Variants in PYGO1 observed in about 807,000 individuals in gnomAD.
PYGO1 encodes the protein pygopus homolog 1.
Under a neutral mutation model 29.5 loss-of-function variants are expected in PYGO1, and 6 were observed. That is an observed-to-expected ratio of 0.20 (90% CI 0.11 to 0.40). The LOEUF is 0.40. PYGO1 is among the 10% of genes least tolerant of loss of function. PYGO1 has a pLI of 1.00. For synonymous variants in PYGO1, 186 were observed against 180.5 expected, an observed-to-expected ratio of 1.03 and a Z score of -0.24; for missense variants, 515 against 514.9, an observed-to-expected ratio of 1.00 and a Z score of 0.00.
intron 1 of PYGO1, among the ~76,000 whole-genome samples, chr15:55,587,192 T>C (rs1287339579): frequency 6.6e-6 from 1 of 152,174 alleles, no homozygotes; most frequent in Non-Finnish European, 1.5e-5. Context: ...TTTTCTTAGA[T>C]GATAGTAACA....
intron 1 of PYGO1, among the ~76,000 whole-genome samples, chr15:55,564,012 T>C (rs1319359848): frequency 6.6e-6 from 1 of 152,132 alleles, no homozygotes; most frequent in Non-Finnish European, 1.5e-5. Flanking sequence ...AGTTTGGCAG[T>C]TCCTCAAAAA....
rs748444448 is a variant in PYGO1, at chr15:55,544,571, A to G, written c.*1452T>C. 6.6e-6 allele frequency: 1 copy of G among 152,106 alleles called. No individual in the cohort carries two copies. Among genetic ancestry groups the G allele is most frequent in the Non-Finnish European group, 1.5e-5 (1 of 68,008 alleles). 9.4% of individuals were successfully genotyped at this position (152,106 alleles called of 1,614,324 possible). A position where few individuals can be genotyped will look rare whatever the true frequency, so the allele number is the denominator to read the frequency against. On this transcript the variant is annotated 3_prime_UTR_variant, in exon 3 of 3. Coordinates refer to ENST00000563719, the MANE Select transcript of PYGO1 (RefSeq NM_001367806.1). The stretch of plus-strand genomic sequence containing the variant: ...CCAAAGGACATTGTTTTTAAATCAC[A>G]TTTTCATGCATAATTTAAATTTCTT...
chr15:55,585,930 G>A (rs2059044502), intron 1 of PYGO1, among the ~76,000 whole-genome samples: 1 of 152,214 alleles, frequency 6.6e-6, no homozygotes, highest in African/African-American at 2.4e-5. Flanking sequence ...AACAGAAAAA[G>A]ACAATTAAAA....
intron 1 of PYGO1, among the ~76,000 whole-genome samples, chr15:55,555,078 A>G (rs2141653028): frequency 6.6e-6 from 1 of 152,132 alleles, no homozygotes; most frequent in Admixed American, 6.5e-5. Context: ...TGAGGTCAAG[A>G]TGAAAAAAAA....
Position 55,588,273 on chromosome 15 carries a change from G to C in PYGO1, c.-390C>G, listed in dbSNP as rs2141684372. On this transcript the variant is annotated 5_prime_UTR_variant, in exon 1 of 3. Transcript: ENST00000563719. Reference sequence around the variant, plus strand: ...AGGGGAAGCAGGAGGCTCGCGGCCCGGCCCTGGCGGCACACTCACAGCGCC... The same window carrying C: ...AGGGGAAGCAGGAGGCTCGCGGCCCCGCCCTGGCGGCACACTCACAGCGCC... Among the ~76,000 whole-genome samples, 1 of 148,648 alleles carries C rather than the reference G, an allele frequency of 6.7e-6. No homozygotes were observed. Among genetic ancestry groups the C allele is most frequent in the East Asian group, 2.0e-4 (1 of 5,090 alleles).
chr15:55,572,279 CA>C (rs2058983283), intron 1 of PYGO1, among the ~76,000 whole-genome samples: 1 of 152,086 alleles, frequency 6.6e-6, no homozygotes, highest in Non-Finnish European at 1.5e-5. Context: ...GCAAAGGTAC[CA>C]AGAGTACAAA....
intron 1 of PYGO1, 90 bp downstream of exon 1, chr15:55,587,745 C>G: frequency 7.2e-7 from 1 of 1,396,910 alleles, no homozygotes; most frequent in Non-Finnish European, 9.4e-7. Flanking sequence ...TAGGCCCGGA[C>G]AGAGCCCCAT....
At chr15:55,582,394 A>AC (rs991037185) in intron 1 of PYGO1, among the ~76,000 whole-genome samples, 14 of 151,480 alleles carry the variant, frequency 9.2e-5, no homozygotes, top group African/African-American at 3.2e-4. Flanking sequence ...TCATTTATCT[A>AC]CCCCTCATTA....
upstream of PYGO1, among the ~76,000 whole-genome samples, chr15:55,588,643 C>T (rs1280663766): frequency 6.6e-6 from 1 of 151,030 alleles, no homozygotes; most frequent in Non-Finnish European, 1.5e-5. Context: ...CGCCCCGCGC[C>T]CGGCGCTCCC....
intron 1 of PYGO1, among the ~76,000 whole-genome samples, chr15:55,569,380 T>C (rs1315083612): frequency 2.0e-5 from 3 of 152,208 alleles, no homozygotes; most frequent in Non-Finnish European, 2.9e-5. Flanking sequence ...TGTTAGATCA[T>C]TAATTTGAGA....
intron 1 of PYGO1, among the ~76,000 whole-genome samples, chr15:55,563,753 A>G (rs2058943344): frequency 6.6e-6 from 1 of 152,178 alleles, no homozygotes; most frequent in Admixed American, 6.5e-5. Context: ...CACCCAGCCA[A>G]AGGTTTTGAA....
At chr15:55,570,583 G>C (rs1595990533) in intron 1 of PYGO1, among the ~76,000 whole-genome samples, 1 of 150,760 alleles carries the variant, frequency 6.6e-6, no homozygotes, top group African/African-American at 2.4e-5. Flanking sequence ...ATTATGTTTT[G>C]ATTTCTTGTT....
chr15:55,539,874 A>C lies in PYGO1; in HGVS notation c.*6149T>G, dbSNP rs1275096754. The C allele has an allele frequency of 6.6e-6, 1 of 152,104 alleles. No homozygotes were observed. Among genetic ancestry groups the C allele is most frequent in the African/African-American group, 2.4e-5 (1 of 41,460 alleles). 9.4% of individuals were successfully genotyped at this position (152,104 alleles called of 1,614,324 possible). A position where few individuals can be genotyped will look rare whatever the true frequency, so the allele number is the denominator to read the frequency against. On this transcript the variant is annotated 3_prime_UTR_variant, in exon 3 of 3. Transcript: ENST00000563719. Reference sequence around the variant, plus strand: ...ATTTTGTAATATACATCACTGACATAGTAAAACCTTATTAAGGATAATTTA... The same window carrying C: ...ATTTTGTAATATACATCACTGACATCGTAAAACCTTATTAAGGATAATTTA...
At chr15:55,564,961 C>T (rs762842448) in intron 1 of PYGO1, among the ~76,000 whole-genome samples, 10 of 152,172 alleles carry the variant, frequency 6.6e-5, no homozygotes, top group Non-Finnish European at 1.0e-4. Flanking sequence ...TGGCTGTCAG[C>T]TCTTATCTCC....
At chr15:55,573,313 GAA>G (rs113821324) in intron 1 of PYGO1, among the ~76,000 whole-genome samples, 3 of 144,862 alleles carry the variant, frequency 2.1e-5, no homozygotes, top group South Asian at 2.2e-4. Flanking sequence ...CTCAAAAAAG[GAA>G]AAAAAAAAAG....
At chr15:55,588,848 G>T, upstream of PYGO1, 1 of 1,613,870 alleles carries the variant, frequency 6.2e-7, no homozygotes, top group Non-Finnish European at 8.5e-7. Flanking sequence ...GTTCTCGGCG[G>T]GCATGTGGGG....
intron 1 of PYGO1, among the ~76,000 whole-genome samples, chr15:55,557,816 TA>T (rs555528712): frequency 1.3e-5 from 2 of 152,262 alleles, no homozygotes; most frequent in East Asian, 3.9e-4. Context: ...AAACTCTCAA[TA>T]AATTAGGTAT....
chr15:55,541,687 T>G lies in PYGO1; in HGVS notation c.*4336A>C, dbSNP rs1410579943. ...TGATGGGAGGAAAGATATAAAATGT[T>G]GAAGCACAGAGCACCCAGGAGAGGA... On this transcript the variant is annotated 3_prime_UTR_variant, in exon 3 of 3. Transcript: ENST00000563719. 6.6e-6 allele frequency: 1 copy of G among 152,182 alleles called. No homozygotes were observed. The highest frequency in any genetic ancestry group is 2.4e-5 in the African/African-American group (1 of 41,438). 9.4% of individuals were successfully genotyped at this position (152,182 alleles called of 1,614,324 possible).
intron 1 of PYGO1, among the ~76,000 whole-genome samples, chr15:55,582,167 A>G (rs1317357569): frequency 6.9e-6 from 1 of 144,482 alleles, no homozygotes; most frequent in Non-Finnish European, 1.5e-5. Flanking sequence ...AGATCATGCC[A>G]CTGCACTCCA....
Sources: allele counts gnomAD v4.1 joint callset (sites outside exome capture counted in the v4.1 genomes callset), GRCh38; gene constraint gnomAD v4.1.1; transcripts MANE v1.5; gene names NCBI Gene and HGNC (gene_info 2026-07-23, HGNC 2026-07-21).